NRG1: variants seen among roughly 807,000 people sequenced by gnomAD.
NRG1 encodes neuregulin 1.
Under a neutral mutation model 63.8 loss-of-function variants are expected in NRG1, and 18 were observed. That is an observed-to-expected ratio of 0.28 (90% CI 0.19 to 0.42). NRG1 has a LOEUF of 0.42. Among genes scored for constraint, NRG1 ranks in the 10% least tolerant of loss-of-function variants. The pLI, the probability that NRG1 is intolerant of heterozygous loss-of-function variation, is 1.00. For synonymous variants in NRG1, 302 were observed against 301.3 expected (o/e 1.00, Z -0.02); for missense variants, 762 against 814.7 (o/e 0.94, Z 0.79).
chr8:32,703,993 T>G (rs1815657187), intron 5 of NRG1, among the ~76,000 whole-genome samples: 1 of 152,222 alleles, frequency 6.6e-6, no homozygotes, highest in African/African-American at 2.4e-5. Context: ...TGGAATATGC[T>G]GAACAAGCAC....
chr8:31,737,983 T>C (rs1442862851), intron 1 of NRG1, among the ~76,000 whole-genome samples: 1 of 152,114 alleles, frequency 6.6e-6, no homozygotes, highest in Non-Finnish European at 1.5e-5. Context: ...CAACATTATA[T>C]ATATTAACAT....
Position 32,732,799 on chromosome 8 carries a change from C to CTTTT in NRG1, c.632+4741_632+4744dup, listed in dbSNP as rs1173388613. Among the ~76,000 whole-genome samples, 566 of 83,360 alleles carry CTTTT rather than the reference C, an allele frequency of 6.8e-3. 3 individuals are homozygous for CTTTT. Among genetic ancestry groups the CTTTT allele is most frequent in the African/African-American group, 8.2e-3 (180 of 21,904 alleles). 54.7% of individuals were successfully genotyped at this position (83,360 alleles called of 152,430 possible). On this transcript the variant is annotated intron_variant, in intron 6 of 11. Transcript: ENST00000356819. Reference sequence around the variant, plus strand: ...CAGACTGTGTTATCATGTTTAATTTCTTTTTTTTTTTTTTTTTTTTTTTGA... The same window carrying CTTTT: ...CAGACTGTGTTATCATGTTTAATTTCTTTTTTTTTTTTTTTTTTTTTTTTTTTGA...
chr8:32,762,056 A>AG (rs1326893006), intron 11 of NRG1, among the ~76,000 whole-genome samples: 1,903 of 149,670 alleles, frequency 0.013, 50 homozygotes, highest in African/African-American at 0.045. Context: ...AAAAAAAAAA[A>AG]AAAACATTCT....
chr8:32,486,822 G>A (rs1047151501), intron 1 of NRG1, among the ~76,000 whole-genome samples: 2 of 151,806 alleles, frequency 1.3e-5, no homozygotes, highest in African/African-American at 2.4e-5. Context: ...GTGGGGTTTC[G>A]CCATGTTGGC....
chr8:32,456,920 T>A (rs575716081), intron 1 of NRG1, among the ~76,000 whole-genome samples: 3 of 152,078 alleles, frequency 2.0e-5, no homozygotes, highest in Non-Finnish European at 2.9e-5. Flanking sequence ...TCACCTGAGA[T>A]CATGAGTTCG....
At chr8:32,496,374 G>A (rs1447881295) in intron 1 of NRG1, among the ~76,000 whole-genome samples, 2 of 152,114 alleles carry the variant, frequency 1.3e-5, no homozygotes, top group African/African-American at 2.4e-5. Context: ...TTTAGCCCAG[G>A]AGCTGAAAAC....
At chr8:32,631,057 A>G (rs1243880798) in intron 5 of NRG1, among the ~76,000 whole-genome samples, 1 of 152,218 alleles carries the variant, frequency 6.6e-6, no homozygotes, top group African/African-American at 2.4e-5. Context: ...GGCAGACCAT[A>G]CAAACACACA....
At chr8:32,748,402 G>GAT (rs1827991551) in intron 7 of NRG1, among the ~76,000 whole-genome samples, 5 of 149,662 alleles carry the variant, frequency 3.3e-5, no homozygotes, top group African/African-American at 9.9e-5. Context: ...GAGAGATAAA[G>GAT]GAAGTCCTAG....
At chr8:32,172,085 G>A (rs181791163) in intron 1 of NRG1, among the ~76,000 whole-genome samples, 1 of 152,138 alleles carries the variant, frequency 6.6e-6, no homozygotes, top group Non-Finnish European at 1.5e-5. Context: ...GCCTAACTGG[G>A]AGGCACCCCC....
chr8:32,644,222 G>T (rs1024433395), intron 5 of NRG1, among the ~76,000 whole-genome samples: 1 of 152,166 alleles, frequency 6.6e-6, no homozygotes, highest in South Asian at 2.1e-4. Context: ...GGTGATAAAA[G>T]GTTAGGTAGT....
At chr8:32,374,375 A>T (rs1809342455) in intron 1 of NRG1, among the ~76,000 whole-genome samples, 1 of 152,168 alleles carries the variant, frequency 6.6e-6, no homozygotes, top group Non-Finnish European at 1.5e-5. Flanking sequence ...ATTACATCAT[A>T]AAGAGATCAT....
intron 1 of NRG1, among the ~76,000 whole-genome samples, chr8:31,908,747 A>G (rs1356348652): frequency 2.0e-5 from 3 of 152,128 alleles, no homozygotes; most frequent in African/African-American, 4.8e-5. Context: ...TTTTTGTATT[A>G]TATATTTGTA....
intron 1 of NRG1, among the ~76,000 whole-genome samples, chr8:31,875,601 CCT>C (rs1265173370): frequency 6.6e-6 from 1 of 152,110 alleles, no homozygotes; most frequent in Non-Finnish European, 1.5e-5. Context: ...CTCTTTTCTT[CCT>C]GTCTCCTCTG....
intron 1 of NRG1, among the ~76,000 whole-genome samples, chr8:32,110,408 A>G (rs1831855551): frequency 6.6e-6 from 1 of 152,184 alleles, no homozygotes; most frequent in Admixed American, 6.5e-5. Context: ...TGATAACTGA[A>G]GAAGGTGAGC....
At chr8:32,487,398 A>T (rs947428728) in intron 1 of NRG1, among the ~76,000 whole-genome samples, 1 of 152,124 alleles carries the variant, frequency 6.6e-6, no homozygotes, top group African/African-American at 2.4e-5. Flanking sequence ...ACTGATCAGA[A>T]AAGATACATT....
At chr8:31,858,755 G>T (rs759818389) in intron 1 of NRG1, among the ~76,000 whole-genome samples, 1 of 152,176 alleles carries the variant, frequency 6.6e-6, no homozygotes, top group Non-Finnish European at 1.5e-5. Flanking sequence ...CCTGCAGCCA[G>T]CATTGTTCAA....
intron 5 of NRG1, among the ~76,000 whole-genome samples, chr8:32,675,269 T>C (rs1386932811): frequency 6.6e-6 from 1 of 152,192 alleles, no homozygotes; most frequent in Admixed American, 6.5e-5. Context: ...TCTTGTTTGG[T>C]TTGCACTGAC....
At chr8:31,910,231 A>T (rs564357292) in intron 1 of NRG1, among the ~76,000 whole-genome samples, 2 of 152,218 alleles carry the variant, frequency 1.3e-5, no homozygotes, top group Non-Finnish European at 2.9e-5. Flanking sequence ...AGGCGGGAAG[A>T]AGCTACATGT....
At chr8:32,563,679 T>C (rs534151309) in intron 1 of NRG1, among the ~76,000 whole-genome samples, 2 of 152,290 alleles carry the variant, frequency 1.3e-5, no homozygotes, top group South Asian at 4.1e-4. Flanking sequence ...GAATAATTTT[T>C]CCTCAGTGGT....
Sources: gnomAD v4.1 joint callset for allele counts (sites outside exome capture counted in the v4.1 genomes callset) on GRCh38, gnomAD v4.1.1 for gene constraint, MANE v1.5 for transcripts, NCBI Gene and HGNC (gene_info 2026-07-23, HGNC 2026-07-21) for gene names.